The following TFB1M variants were observed in gnomAD, a reference collection of about 807,000 sequenced individuals.
The protein encoded by TFB1M is dimethyladenosine transferase 1, mitochondrial.
Under a neutral mutation model 31.1 loss-of-function variants are expected in TFB1M, and 27 were observed. That is an observed-to-expected ratio of 0.87 (90% CI 0.64 to 1.20). The LOEUF (loss-of-function observed/expected upper bound fraction) is 1.20, where lower values mean the gene tolerates loss of function less well. Among genes scored for constraint, TFB1M ranks in the 50% most tolerant of loss-of-function variants. TFB1M has a pLI of 0.00. For synonymous variants in TFB1M, 166 were observed against 151.8 expected (o/e 1.09, Z -0.69); for missense variants, 394 against 418.7 (o/e 0.94, Z 0.51).
intron 5 of TFB1M, among the ~76,000 whole-genome samples, chr6:155,283,866 T>C (rs2065351): frequency 0.29 from 44,745 of 152,100 alleles, 7,333 homozygotes; most frequent in East Asian, 0.66. Flanking sequence ...TTTTTTTCAT[T>C]ATAATGGCCA....
chr6:155,235,556 A>G, the TFB1M span, among the ~76,000 whole-genome samples: 1 of 152,230 alleles, frequency 6.6e-6, no homozygotes, highest in Non-Finnish European at 1.5e-5. Context: ...AAATGTAATC[A>G]CCCAAGTGAC....
the TFB1M span, among the ~76,000 whole-genome samples, chr6:155,237,183 C>T: frequency 2.0e-5 from 3 of 152,220 alleles, no homozygotes; most frequent in African/African-American, 7.2e-5. Context: ...AAAGGGGCTC[C>T]AGGCCCCATG....
Position 155,256,880 on chromosome 6 carries a change from G to A in TFB1M, c.*956C>T, listed in dbSNP as rs753377139. The A allele has an allele frequency of 1.2e-6, 2 of 1,614,094 alleles. No individual in the cohort carries two copies. The highest frequency in any genetic ancestry group is 1.1e-5 in the South Asian group (1 of 91,088). ...GAGTCGGGTGAGGGTCAGAAAGGAG[G>A]AGAGCAGCCCAAACTGGTCCGGGGG... On this transcript the variant is annotated 3_prime_UTR_variant, in exon 7 of 7. Coordinates refer to ENST00000367166, the MANE Select transcript of TFB1M (RefSeq NM_016020.4).
intron 5 of TFB1M, chr6:155,260,703 A>T: frequency 2.4e-6 from 1 of 420,260 alleles, no homozygotes; most frequent in East Asian, 5.4e-5. Context: ...CCAAATCATT[A>T]AAGTCAGTCA....
At position 155,314,404 on chromosome 6, in the gene TFB1M, T is replaced by C. The variant is rs1562433996; in HGVS notation, c.25A>G (p.Thr9Ala). MAASGKLS[T>A]CRLPPLPTIR... ...GTGGGCAACGGAGGGAGACGGCAAGTGCTGAGTTTTCCGGAGGCAGCCATG... is the reference window on the plus strand; with the variant it reads ...GTGGGCAACGGAGGGAGACGGCAAGCGCTGAGTTTTCCGGAGGCAGCCATG... The change falls in exon 1 of 7, where the codon ACT (threonine) becomes GCT (alanine). Residue 9 changes from threonine to alanine, a missense_variant. Transcript: ENST00000367166. 2 of 1,614,254 alleles carry C rather than the reference T, an allele frequency of 1.2e-6. No individual in the cohort carries two copies. The highest frequency in any genetic ancestry group is 1.7e-6 in the Non-Finnish European group (2 of 1,180,048).
chr6:155,299,291 A>G (rs1777323709), intron 2 of TFB1M, among the ~76,000 whole-genome samples: 1 of 152,192 alleles, frequency 6.6e-6, no homozygotes, highest in African/African-American at 2.4e-5. Flanking sequence ...AAGGGGAAAA[A>G]AAGCACTTTT....
chr6:155,286,931 C>CT (rs1776686954), intron 4 of TFB1M, among the ~76,000 whole-genome samples: 1 of 151,862 alleles, frequency 6.6e-6, no homozygotes, highest in African/African-American at 2.4e-5. Context: ...TTATAGTGTT[C>CT]AGAATACAGA....
downstream of TFB1M, among the ~76,000 whole-genome samples, chr6:155,251,279 G>A (rs945133644): frequency 2.6e-5 from 4 of 152,098 alleles, no homozygotes; most frequent in Admixed American, 2.6e-4. Flanking sequence ...TTTGAAACCT[G>A]CTATCTTTTT....
At chr6:155,232,175 T>C in the TFB1M span, among the ~76,000 whole-genome samples, 1 of 152,186 alleles carries the variant, frequency 6.6e-6, no homozygotes, top group African/African-American at 2.4e-5. Context: ...CCAGTGATAT[T>C]TGGGGATAAT....
rs780041554 is a variant in TFB1M at position 155,285,201 on chromosome 6, T to C, written c.623A>G (p.His208Arg). 3.7e-6 allele frequency: 6 copies of C among 1,614,074 alleles called. No individual in the cohort carries two copies. The Admixed American group carries it at 1.0e-4, about 27-fold the overall frequency. The change falls in exon 5 of 7, where the codon CAC (histidine) becomes CGC (arginine). Residue 208 changes from histidine to arginine, a missense_variant. By Grantham distance (29) the His-to-Arg change is conservative (BLOSUM62 0). Transcript: ENST00000367166. Reference protein sequence around the residue: ...VMAQYLCNVRHIFTIPGQAFV... With the variant: ...VMAQYLCNVRRIFTIPGQAFV... ...AGCTTGTCCTGGAATCGTAAAGATG[T>C]GTCGAACATTGCAGAGGTACTGAGC...
intron 2 of TFB1M, among the ~76,000 whole-genome samples, chr6:155,306,313 T>C (rs141092146): frequency 2.2e-4 from 33 of 152,286 alleles, no homozygotes; most frequent in African/African-American, 7.5e-4. Context: ...AAGTATAATA[T>C]ACGTCTACCA....
At chr6:155,300,456 G>A (rs575981630) in intron 2 of TFB1M, among the ~76,000 whole-genome samples, 3 of 151,992 alleles carry the variant, frequency 2.0e-5, no homozygotes, top group Admixed American at 6.6e-5. Flanking sequence ...CTCTCTATGC[G>A]GCATGCTCTT....
intron 4 of TFB1M, among the ~76,000 whole-genome samples, chr6:155,294,440 T>C (rs890954561): frequency 6.6e-6 from 1 of 151,334 alleles, no homozygotes; most frequent in African/African-American, 2.4e-5. Context: ...GTATGAAGAG[T>C]ATTAAAGAGT....
At chr6:155,250,972 A>G in the TFB1M span, 18 of 1,614,012 alleles carry the variant, frequency 1.1e-5, no homozygotes, top group Non-Finnish European at 1.4e-5. Flanking sequence ...GGTTGAATCC[A>G]TTTCTGTCTC....
chr6:155,282,483 T>TAC (rs928393732), intron 5 of TFB1M, among the ~76,000 whole-genome samples: 18 of 152,224 alleles, frequency 1.2e-4, no homozygotes, highest in Non-Finnish European at 1.8e-4. Context: ...ATCTGATTCT[T>TAC]AGAGTTTTGA....
chr6:155,254,043 C>A, downstream of TFB1M: 1 of 1,614,080 alleles, frequency 6.2e-7, no homozygotes, highest in East Asian at 2.2e-5. Context: ...CAGAAACCAT[C>A]TTTCAGTTGT....
chr6:155,250,935 A>G, the TFB1M span: 1 of 1,614,080 alleles, frequency 6.2e-7, no homozygotes, highest in Non-Finnish European at 8.5e-7. Context: ...TCGATGGGAG[A>G]GCTTCTGATG....
At chr6:155,261,332 G>A (rs1305380080) in intron 5 of TFB1M, among the ~76,000 whole-genome samples, 1 of 152,226 alleles carries the variant, frequency 6.6e-6, no homozygotes, top group Non-Finnish European at 1.5e-5. Flanking sequence ...AACAAAAGGC[G>A]AAGAAAGTAC....
At chr6:155,292,223 T>C (rs1776958168) in intron 4 of TFB1M, among the ~76,000 whole-genome samples, 1 of 151,994 alleles carries the variant, frequency 6.6e-6, no homozygotes, top group South Asian at 2.1e-4. Context: ...GCAGAATTTG[T>C]GGGGCAGACT....
Sources: gnomAD v4.1 joint callset for allele counts (sites outside exome capture counted in the v4.1 genomes callset) on GRCh38, gnomAD v4.1.1 for gene constraint, MANE v1.5 for transcripts, NCBI Gene and HGNC (gene_info 2026-07-23, HGNC 2026-07-21) for gene names.